Variants in GTF3C5 observed in about 807,000 individuals in gnomAD.
GTF3C5 encodes the protein general transcription factor 3C polypeptide 5.
GTF3C5 carries 47 observed loss-of-function variants against 61.0 expected under a neutral mutation model. The ratio of observed to expected loss-of-function variants is 0.77; its 90% CI spans 0.61 to 0.98. The LOEUF (loss-of-function observed/expected upper bound fraction) is 0.98, where lower values mean the gene tolerates loss of function less well. Ranked by LOEUF, GTF3C5 falls within the 50% of genes least tolerant of loss-of-function variation. The pLI is 0.00. For synonymous variants in GTF3C5, 295 were observed against 275.4 expected (o/e 1.07, Z -0.71); for missense variants, 659 against 703.3 (o/e 0.94, Z 0.71).
intron 1 of GTF3C5, among the ~76,000 whole-genome samples, chr9:133,031,733 T>G (rs1849738485): frequency 6.6e-6 from 1 of 152,174 alleles, no homozygotes; most frequent in Non-Finnish European, 1.5e-5. Flanking sequence ...ACACAGCTAG[T>G]CTCTACTGCT....
intron 1 of GTF3C5, among the ~76,000 whole-genome samples, chr9:133,033,419 A>G (rs932941299): frequency 6.6e-6 from 1 of 152,316 alleles, no homozygotes; most frequent in Non-Finnish European, 1.5e-5. Context: ...ACATCTGCTC[A>G]GGATAAATGA....
intron 5 of GTF3C5, among the ~76,000 whole-genome samples, chr9:133,052,797 C>A (rs1019221345): frequency 2.6e-5 from 4 of 152,052 alleles, no homozygotes; most frequent in Non-Finnish European, 4.4e-5. Flanking sequence ...AGGAGAGCGA[C>A]CTGTGCTGCT....
In GTF3C5 at chr9:133,057,806, G is replaced by A. The variant is rs1445676173; in HGVS notation, c.1394-8G>A. The A allele has an allele frequency of 3.8e-6, 6 of 1,590,318 alleles. No individual in the cohort carries two copies. Among genetic ancestry groups the A allele is most frequent in the Non-Finnish European group, 4.3e-6 (5 of 1,168,112 alleles). Reference sequence around the variant, plus strand: ...GGACACCCATGGCCTTGTCTCCTCCGGCCCCAGCTCTCTTTTCCAGCTCAG... The same window carrying A: ...GGACACCCATGGCCTTGTCTCCTCCAGCCCCAGCTCTCTTTTCCAGCTCAG... On this transcript the variant is annotated splice_polypyrimidine_tract_variant and splice_region_variant and intron_variant, in intron 10 of 10. Coordinates refer to ENST00000372097, the MANE Select transcript of GTF3C5 (RefSeq NM_012087.4).
At chr9:133,038,350 G>A (rs1420934058) in intron 1 of GTF3C5, among the ~76,000 whole-genome samples, 1 of 152,106 alleles carries the variant, frequency 6.6e-6, no homozygotes, top group African/African-American at 2.4e-5. Context: ...TGGACTCTGG[G>A]TGCCCAATGG....
chr9:133,057,703 C>T (rs1446546765), intron 10 of GTF3C5, 111 bp from the exon 11 acceptor site: 6 of 1,010,522 alleles, frequency 5.9e-6, no homozygotes, highest in East Asian at 5.4e-5. Context: ...CTTAAGAGCT[C>T]GAGCTCGGAC....
intron 5 of GTF3C5, among the ~76,000 whole-genome samples, chr9:133,052,895 T>C (rs780034028): frequency 6.6e-6 from 1 of 152,174 alleles, no homozygotes; most frequent in African/African-American, 2.4e-5. Context: ...TGCAGTGGTG[T>C]GATCTCTGCT....
chr9:133,055,764 G>A (rs940656652), intron 8 of GTF3C5: 11 of 1,340,540 alleles, frequency 8.2e-6, no homozygotes, highest in East Asian at 3.0e-5. Context: ...CTGCACGGGC[G>A]GGCTCACCGT....
chr9:133,044,573 C>T (rs993171926), intron 3 of GTF3C5, among the ~76,000 whole-genome samples: 5 of 152,120 alleles, frequency 3.3e-5, no homozygotes, highest in Non-Finnish European at 7.4e-5. Context: ...CCCTGCCCTG[C>T]CCTCCTCTCT....
At chr9:133,049,805 A>G (rs1850316454) in intron 3 of GTF3C5, among the ~76,000 whole-genome samples, 1 of 152,190 alleles carries the variant, frequency 6.6e-6, no homozygotes, top group Non-Finnish European at 1.5e-5. Context: ...GAGCAATTTT[A>G]GAATCACAGC....
rs1477097532 is a variant in GTF3C5 at position 133,058,005 on chromosome 9, G to C, written c.*25G>C. 6.2e-7 allele frequency: 1 copy of C among 1,612,774 alleles called. No individual in the cohort carries two copies. Among genetic ancestry groups the C allele is most frequent in the Non-Finnish European group, 8.5e-7 (1 of 1,179,604 alleles). On this transcript the variant is annotated 3_prime_UTR_variant, in exon 11 of 11. Transcript: ENST00000372097. ...ACAGGGCCCAAGGCTGGGCCTCCCT[G>C]ACCCGGCCAGACTGGTGTCTGGCCT...
At chr9:133,039,908 T>A (rs780412165) in intron 1 of GTF3C5, among the ~76,000 whole-genome samples, 9 of 152,228 alleles carry the variant, frequency 5.9e-5, no homozygotes, top group Non-Finnish European at 1.3e-4. Context: ...TTTGAACTCA[T>A]GCTTTGCTCT....
chr9:133,034,067 G>A (rs73662413), intron 1 of GTF3C5, among the ~76,000 whole-genome samples: 2,471 of 152,178 alleles, frequency 0.016, 91 homozygotes, highest in African/African-American at 0.058. Flanking sequence ...CTCCTAACCC[G>A]TACCGTCCGA....
intron 3 of GTF3C5, 24 bp downstream of exon 3, chr9:133,043,950 T>G: frequency 6.4e-7 from 1 of 1,573,006 alleles, no homozygotes; most frequent in East Asian, 2.2e-5. Context: ...CCATGCAGCC[T>G]CGGTTCTCTA....
Position 133,052,046 on chromosome 9 carries a change from C to T in GTF3C5, c.769-14C>T, listed in dbSNP as rs1850396673. 6.7e-7 allele frequency: 1 copy of T among 1,501,332 alleles called. No homozygotes were observed. The highest frequency in any genetic ancestry group is 9.2e-7 in the Non-Finnish European group (1 of 1,086,778). 93.0% of individuals were successfully genotyped at this position (1,501,332 alleles called of 1,614,324 possible). A position where few individuals can be genotyped will look rare whatever the true frequency, so the allele number is the denominator to read the frequency against. On this transcript the variant is annotated splice_polypyrimidine_tract_variant and intron_variant, in intron 4 of 10. Coordinates refer to ENST00000372097, the MANE Select transcript of GTF3C5 (RefSeq NM_012087.4). ...GCTGGTGCTCATCTCAGCCTCTGCCCTTGGCCTCCCCAGCTGTTTGACATC... is the reference window on the plus strand; with the variant it reads ...GCTGGTGCTCATCTCAGCCTCTGCCTTTGGCCTCCCCAGCTGTTTGACATC...
chr9:133,048,484 G>A (rs1295307068), intron 3 of GTF3C5, among the ~76,000 whole-genome samples: 1 of 152,018 alleles, frequency 6.6e-6, no homozygotes, highest in Admixed American at 6.6e-5. Context: ...GCGACCGAGT[G>A]ACACCCCATC....
At chr9:133,033,891 C>G (rs1849795793) in intron 1 of GTF3C5, among the ~76,000 whole-genome samples, 1 of 152,106 alleles carries the variant, frequency 6.6e-6, no homozygotes, top group African/African-American at 2.4e-5. Context: ...TTGGCTGGGT[C>G]GTTGTGGAGA....
chr9:133,049,181 A>G (rs958528581), intron 3 of GTF3C5, among the ~76,000 whole-genome samples: 4 of 152,166 alleles, frequency 2.6e-5, no homozygotes, highest in African/African-American at 9.7e-5. Context: ...GGTGACACAG[A>G]CCACAGCCTG....
At chr9:133,052,863 C>T (rs954034023) in intron 5 of GTF3C5, among the ~76,000 whole-genome samples, 1 of 151,954 alleles carries the variant, frequency 6.6e-6, no homozygotes, top group Non-Finnish European at 1.5e-5. Context: ...GATGGAGTCT[C>T]ACTCTGTCTC....
chr9:133,054,933 C>T (rs1352440268), intron 8 of GTF3C5, 124 bp downstream of exon 8: 1 of 1,549,264 alleles, frequency 6.5e-7, no homozygotes, highest in East Asian at 2.4e-5. Context: ...CGGCACCTTG[C>T]TTCCTTTTAG....
Sources: allele counts gnomAD v4.1 joint callset (sites outside exome capture counted in the v4.1 genomes callset), GRCh38; gene constraint gnomAD v4.1.1; transcripts MANE v1.5; gene names NCBI Gene and HGNC (gene_info 2026-07-23, HGNC 2026-07-21).